Variants in KNDC1 observed in about 807,000 individuals in gnomAD.
KNDC1 encodes kinase non-catalytic C-lobe domain-containing protein 1.
In KNDC1, 106 loss-of-function variants were observed where a neutral mutation model predicts 172.8. The observed-to-expected ratio is 0.61, with a 90% CI of 0.52 to 0.72. The LOEUF (loss-of-function observed/expected upper bound fraction) is 0.72, where lower values mean the gene tolerates loss of function less well. Ranked by LOEUF, KNDC1 falls within the 30% of genes least tolerant of loss-of-function variation. KNDC1 has a pLI of 0.00. For synonymous variants in KNDC1, 1,083 were observed against 1,062.2 expected (o/e 1.02, Z -0.38); for missense variants, 2,325 against 2,394.5 (o/e 0.97, Z 0.61).
At chr10:133,164,627 G>A (rs1001155375) in intron 1 of KNDC1, among the ~76,000 whole-genome samples, 8 of 152,334 alleles carry the variant, frequency 5.3e-5, no homozygotes, top group East Asian at 1.9e-4. Flanking sequence ...CCGGCTGGGC[G>A]TATTTTACTT....
Position 133,224,971 on chromosome 10 carries a change from G to T in KNDC1, c.*81G>T, listed in dbSNP as rs936592830. The T allele has an allele frequency of 2.6e-6, 3 of 1,173,364 alleles. No individual in the cohort carries two copies. Among genetic ancestry groups the T allele is most frequent in the Non-Finnish European group, 2.5e-6 (2 of 806,564 alleles). The allele number at this position is 1,173,364 out of a possible 1,614,324, so 72.7% of individuals were successfully genotyped here. ...CTGGGAGGTGGGAGCCGCGTCTCAG[G>T]CCCGGCCGTTATCAAGGCCCCTCCG... is the stretch of plus-strand genomic sequence containing the variant. On this transcript the variant is annotated 3_prime_UTR_variant, in exon 30 of 30. Transcript: ENST00000304613. The surrounding 1 kb of genome is among the most constrained non-coding windows in gnomAD (Gnocchi z 5.4).
chr10:133,218,097 G>A (rs972793014), intron 26 of KNDC1, among the ~76,000 whole-genome samples: 3 of 151,698 alleles, frequency 2.0e-5, no homozygotes, highest in Admixed American at 6.6e-5. Flanking sequence ...GGGGCATGGC[G>A]TCCAGCTGGA....
chr10:133,195,479 C>T (rs1016733676), intron 9 of KNDC1, among the ~76,000 whole-genome samples, 184 bp from the exon 10 acceptor site: 5 of 152,172 alleles, frequency 3.3e-5, no homozygotes, highest in African/African-American at 1.2e-4. Context: ...TCCTGGACCA[C>T]GACCTGGAGG....
Position 133,201,263 on chromosome 10 carries a change from T to C in KNDC1, c.2990-238T>C, listed in dbSNP as rs562386906. On this transcript the variant is annotated intron_variant, in intron 16 of 29. Coordinates refer to ENST00000304613, the MANE Select transcript of KNDC1 (RefSeq NM_152643.8). ...GTTTGGAAGCAGTGAGGGCGCAGAG[T>C]GGGGCTCCATCTGGGGAGAGGCCTC... Among the ~76,000 whole-genome samples, 3 of 151,956 alleles carry C rather than the reference T, an allele frequency of 2.0e-5. No homozygotes were observed. The East Asian group carries it at 5.8e-4, about 29-fold the overall frequency.
intron 29 of KNDC1, among the ~76,000 whole-genome samples, chr10:133,221,246 C>T (rs573555406): frequency 2.0e-5 from 3 of 152,258 alleles, no homozygotes; most frequent in East Asian, 3.9e-4. Flanking sequence ...AGGATCAGTC[C>T]TCAGCCTGTT....
intron 23 of KNDC1, 27 bp from the exon 24 acceptor site, chr10:133,212,689 C>A (rs780623620): frequency 1.2e-6 from 2 of 1,601,624 alleles, no homozygotes; most frequent in Admixed American, 1.7e-5. Flanking sequence ...GGAGCTTAGG[C>A]CCCTCAGTGC....
rs755924536 is a variant in KNDC1 at position 133,167,413 on chromosome 10, G to C, written c.135G>C (p.Leu45=). 1.9e-6 allele frequency: 3 copies of C among 1,600,440 alleles called. No individual in the cohort carries two copies. Among genetic ancestry groups the C allele is most frequent in the South Asian group, 2.3e-5 (2 of 88,206 alleles). Residue 45 remains leucine, a synonymous_variant, in exon 2 of 30, where the codon CTG becomes CTC. Coordinates refer to ENST00000304613, the MANE Select transcript of KNDC1 (RefSeq NM_152643.8). Reference sequence around the variant, plus strand: ...TGTCTCTGGCTGACATCCTCTCCCTGCGGGACCGCGGCCTCAGCGAGCAGG... The same window carrying C: ...TGTCTCTGGCTGACATCCTCTCCCTCCGGGACCGCGGCCTCAGCGAGCAGG... ...ENVSLADILS[L]RDRGLSEQEA... is the part of the protein sequence containing the mutation.
At chr10:133,170,670 T>C (rs182491371) in intron 3 of KNDC1, among the ~76,000 whole-genome samples, 237 of 152,380 alleles carry the variant, frequency 1.6e-3, no homozygotes, top group African/African-American at 5.6e-3. Context: ...CATGTTAACA[T>C]ACATAACATT....
At chr10:133,184,479 A>G (rs1471695163) in intron 5 of KNDC1, among the ~76,000 whole-genome samples, 1 of 152,240 alleles carries the variant, frequency 6.6e-6, no homozygotes, top group African/African-American at 2.4e-5. Context: ...ACGAGTGTTC[A>G]AATAGATCAC....
At chr10:133,192,146 G>A (rs1184294503) in intron 9 of KNDC1, among the ~76,000 whole-genome samples, 1 of 152,128 alleles carries the variant, frequency 6.6e-6, no homozygotes, top group Non-Finnish European at 1.5e-5. Context: ...AGAATTAGAG[G>A]AAACTATTCT....
At chr10:133,213,531 C>G (rs1430246572) in intron 24 of KNDC1, 114 bp from the exon 25 acceptor site, 1 of 840,652 alleles carries the variant, frequency 1.2e-6, no homozygotes, top group Admixed American at 2.1e-5. Context: ...GGTATTGAAC[C>G]TGGGATTGCA....
rs1368564896 is a variant in KNDC1, at chr10:133,223,292, A to C, written c.5019-1367A>C. 4.7e-5 allele frequency among the ~76,000 whole-genome samples: 2 copies of C among 42,858 alleles called. 1 individual carries two copies. The highest frequency in any genetic ancestry group is 5.8e-4 in the Admixed American group (2 of 3,466). The allele number at this position is 42,858 out of a possible 152,430, so 28.1% of individuals were successfully genotyped here. Reference sequence around the variant, plus strand: ...CGGCATGTGTGTGTGTGTGTGTGTGAGAGCCCATCCAGGCATGCTGTTCCC... The same window carrying C: ...CGGCATGTGTGTGTGTGTGTGTGTGCGAGCCCATCCAGGCATGCTGTTCCC... On this transcript the variant is annotated intron_variant, in intron 29 of 29. Transcript: ENST00000304613.
At chr10:133,173,772 A>AG (rs1853445200) in intron 3 of KNDC1, among the ~76,000 whole-genome samples, 1 of 152,204 alleles carries the variant, frequency 6.6e-6, no homozygotes, top group East Asian at 1.9e-4. Flanking sequence ...GGGCTCCTGC[A>AG]GCGCTTGCCT....
At chr10:133,174,264 C>T (rs974144647) in intron 3 of KNDC1, 3 of 152,250 alleles carry the variant, frequency 2.0e-5, no homozygotes, top group African/African-American at 7.2e-5. Flanking sequence ...GGAGTTTCAA[C>T]TGGGACCTGA....
At chr10:133,162,191 C>T (rs1852998048) in intron 1 of KNDC1, among the ~76,000 whole-genome samples, 1 of 152,236 alleles carries the variant, frequency 6.6e-6, no homozygotes, top group African/African-American at 2.4e-5. Flanking sequence ...CTGGCCCAAC[C>T]CTGTGCCCAG....
intron 26 of KNDC1, among the ~76,000 whole-genome samples, chr10:133,215,589 C>T (rs755613969): frequency 6.6e-6 from 1 of 152,250 alleles, no homozygotes; most frequent in Non-Finnish European, 1.5e-5. Context: ...AGAGCCTTCA[C>T]GCACGGCCCG....
At chr10:133,200,790 G>T (rs535741311) in intron 16 of KNDC1, among the ~76,000 whole-genome samples, 13 of 152,224 alleles carry the variant, frequency 8.5e-5, no homozygotes, top group African/African-American at 2.9e-4. Flanking sequence ...GGGAGCCGCC[G>T]GGAGCCAGGT....
chr10:133,203,542 G>T (rs904332811), intron 17 of KNDC1, among the ~76,000 whole-genome samples: 1 of 152,264 alleles, frequency 6.6e-6, no homozygotes, highest in African/African-American at 2.4e-5. Flanking sequence ...AGCAGCCGGT[G>T]GGCATTTCCT....
At chr10:133,218,060 A>G (rs1347131115) in intron 26 of KNDC1, among the ~76,000 whole-genome samples, 2 of 114,492 alleles carry the variant, frequency 1.7e-5, no homozygotes, top group Non-Finnish European at 3.4e-5. Flanking sequence ...ACTCCATCTC[A>G]AAAAAAAAAA....
Sources: allele counts gnomAD v4.1 joint callset (sites outside exome capture counted in the v4.1 genomes callset), GRCh38; gene constraint gnomAD v4.1.1; non-coding constraint Gnocchi (gnomAD v3.1); transcripts MANE v1.5; gene names NCBI Gene and HGNC (gene_info 2026-07-23, HGNC 2026-07-21).